LTB4R: variants seen among roughly 807,000 people sequenced by gnomAD.
LTB4R encodes leukotriene B4 receptor 1.
For synonymous variants in LTB4R, 250 were observed against 230.7 expected (o/e 1.08, Z -0.76); for missense variants, 470 against 485.6 (o/e 0.97, Z 0.30).
chr14:24,316,893 C>A lies in LTB4R; in HGVS notation c.*183C>A. 1 of 499,106 alleles carries A rather than the reference C, an allele frequency of 2.0e-6. No homozygotes were observed. The highest frequency in any genetic ancestry group is 3.5e-6 in the Non-Finnish European group (1 of 282,180). The allele number at this position is 499,106 out of a possible 1,614,324, so 30.9% of individuals were successfully genotyped here. ...GGGCCGAGTGAGAGCGTGCTCCAGCCTGGCTCCCACAGGCAGCTTTAACCA... is the reference window on the plus strand; with the variant it reads ...GGGCCGAGTGAGAGCGTGCTCCAGCATGGCTCCCACAGGCAGCTTTAACCA... On this transcript the variant is annotated 3_prime_UTR_variant, in exon 2 of 2. Coordinates refer to ENST00000345363, the MANE Select transcript of LTB4R (RefSeq NM_001143919.3).
rs1388027189 is a variant in LTB4R, at chr14:24,311,661, C to A, written c.-159C>A. The A allele has an allele frequency of 6.2e-7, 1 of 1,612,700 alleles. No individual in the cohort carries two copies. Among genetic ancestry groups the A allele is most frequent in the Non-Finnish European group, 8.5e-7 (1 of 1,179,254 alleles). The stretch of plus-strand genomic sequence containing the variant: ...CATGGAGCTCCGAACTACCCCTCAG[C>A]TGAAAGTGGTGGGGCAGGGCCGCGG... On this transcript the variant is annotated 5_prime_UTR_variant, in exon 1 of 2. In the 5' UTR this introduces an upstream ATG that the reference lacks. Transcript: ENST00000345363.
intron 1 of LTB4R, among the ~76,000 whole-genome samples, chr14:24,312,288 G>C (rs1181467217): frequency 6.6e-6 from 1 of 152,218 alleles, no homozygotes; most frequent in East Asian, 1.9e-4. Context: ...CATTCTCTGA[G>C]GCTTATAAAA....
At chr14:24,315,591 C>A in intron 1 of LTB4R, 46 bp from the exon 2 acceptor site, 1 of 1,326,436 alleles carries the variant, frequency 7.5e-7, no homozygotes, top group Non-Finnish European at 1.1e-6. Context: ...CGTCAGGAAA[C>A]CCTTGGTCCT....
At chr14:24,315,192 C>T (rs1222468534) in intron 1 of LTB4R, among the ~76,000 whole-genome samples, 1 of 152,116 alleles carries the variant, frequency 6.6e-6, no homozygotes, top group Non-Finnish European at 1.5e-5. Context: ...CCTGGTTGAC[C>T]CTGGGCATCT....
intron 1 of LTB4R, among the ~76,000 whole-genome samples, chr14:24,315,172 C>G (rs1248820823): frequency 1.3e-5 from 2 of 152,324 alleles, no homozygotes; most frequent in Admixed American, 1.3e-4. Context: ...CTCCTCCCCT[C>G]CCTGTTATTC....
chr14:24,316,084 T>G lies in LTB4R; in HGVS notation c.433T>G (p.Ser145Ala). ...RRVLAGIWVLSFLLATPVLAY... is the reference protein window; with the variant it reads ...RRVLAGIWVLAFLLATPVLAY... ...GGTGCTGGCAGGCATCTGGGTGTTGTCCTTTCTGCTGGCCACACCCGTCCT... is the reference window on the plus strand; with the variant it reads ...GGTGCTGGCAGGCATCTGGGTGTTGGCCTTTCTGCTGGCCACACCCGTCCT... Residue 145 changes from serine to alanine, a missense_variant, in exon 2 of 2, where the codon TCC (serine) becomes GCC (alanine). Coordinates refer to ENST00000345363, the MANE Select transcript of LTB4R (RefSeq NM_001143919.3). 1.2e-6 allele frequency: 2 copies of G among 1,613,168 alleles called. No individual in the cohort carries two copies. The highest frequency in any genetic ancestry group is 1.7e-6 in the Non-Finnish European group (2 of 1,180,020).
chr14:24,312,644 C>T (rs1291016908), intron 1 of LTB4R, among the ~76,000 whole-genome samples: 1 of 152,206 alleles, frequency 6.6e-6, no homozygotes, highest in Non-Finnish European at 1.5e-5. Context: ...AGTCTGGGCT[C>T]CTTCTAAGAT....
chr14:24,312,122 C>T (rs961362063), intron 1 of LTB4R: 2 of 187,442 alleles, frequency 1.1e-5, no homozygotes, highest in Non-Finnish European at 2.3e-5. Context: ...TGGGTCAAGC[C>T]AGGCTGGGCA....
In LTB4R at chr14:24,311,717, G is replaced by A; in HGVS notation, c.-103G>A. ...GAGACCCGGGGGGTGGGATGGAGAA[G>A]GACGGTCCGGAATGGGACCTTTGAC... On this transcript the variant is annotated 5_prime_UTR_variant, in exon 1 of 2. Coordinates refer to ENST00000345363, the MANE Select transcript of LTB4R (RefSeq NM_001143919.3). 3.1e-6 allele frequency: 5 copies of A among 1,598,840 alleles called. No individual in the cohort carries two copies. The highest frequency in any genetic ancestry group is 1.1e-5 in the South Asian group (1 of 89,664).
At position 24,315,684 on chromosome 14, in the gene LTB4R, A is replaced by C. The variant is rs946039978; in HGVS notation, c.33A>C (p.Ser11=). The C allele has an allele frequency of 6.2e-7, 1 of 1,613,952 alleles. No homozygotes were observed. Among genetic ancestry groups the C allele is most frequent in the Admixed American group, 1.7e-5 (1 of 60,018 alleles). The change falls in exon 2 of 2, where the codon TCA becomes TCC. Residue 11 remains serine, a synonymous_variant. Transcript: ENST00000345363. The part of the protein sequence containing the change: MNTTSSAAPP[S]LGVEFISLLA... ...CTACATCTTCTGCAGCACCCCCCTC[A>C]CTAGGTGTAGAGTTCATCTCTCTGC... is the stretch of plus-strand genomic sequence containing the variant.
Position 24,316,622 on chromosome 14 carries a change from CCGCTAGGAGCGG to C in LTB4R, c.973_984del (p.Ala325_Gly328del). 1 of 1,506,266 alleles carries C rather than the reference CCGCTAGGAGCGG, an allele frequency of 6.6e-7. No individual in the cohort carries two copies. The highest frequency in any genetic ancestry group is 8.8e-7 in the Non-Finnish European group (1 of 1,130,230). The allele number at this position is 1,506,266 out of a possible 1,614,324, so 93.3% of individuals were successfully genotyped here. ...CGCCGCGGGGGCAGCCTGGGCCAGA[CCGCTAGGAGCGG>C]CCCCGCCGCTCTGGAGCCCGGCCCT... On this transcript the variant is annotated inframe_deletion, in exon 2 of 2. Transcript: ENST00000345363.
rs767700281 is a variant in LTB4R, at chr14:24,316,249, A to T, written c.598A>T (p.Ser200Cys). ...GCTGCCCTTCCTGGCTGTGGTGGCC[A>T]GCTACTCGGACATAGGGCGTCGGCT... is the stretch of plus-strand genomic sequence containing the variant. ...FLLPFLAVVASYSDIGRRLQA... is the reference protein window; with the variant it reads ...FLLPFLAVVACYSDIGRRLQA... Residue 200 changes from serine (S) to cysteine (C), a missense_variant, in exon 2 of 2, where the codon AGC (serine) becomes TGC (cysteine). Transcript: ENST00000345363. The T allele has an allele frequency of 6.2e-7, 1 of 1,613,156 alleles. No homozygotes were observed. The highest frequency in any genetic ancestry group is 8.5e-7 in the Non-Finnish European group (1 of 1,179,976).
chr14:24,316,574 C>T lies in LTB4R; in HGVS notation c.923C>T (p.Thr308Met). The T allele has an allele frequency of 2.1e-6, 3 of 1,437,470 alleles. No homozygotes were observed. The highest frequency in any genetic ancestry group is 1.8e-6 in the Non-Finnish European group (2 of 1,102,848). 89.0% of individuals were successfully genotyped at this position (1,437,470 alleles called of 1,614,324 possible). The change falls in exon 2 of 2, where the codon ACG (threonine) becomes ATG (methionine). Residue 308 changes from threonine to methionine, a missense_variant. By Grantham distance (81) the Thr-to-Met change is moderately conservative. Transcript: ENST00000345363. ...TTCGTCGCCAAGCTGCTGGAGGGCACGGGCTCCGAGGCGTCCAGCACGCGC... is the reference window on the plus strand; with the variant it reads ...TTCGTCGCCAAGCTGCTGGAGGGCATGGGCTCCGAGGCGTCCAGCACGCGC... ...VGFVAKLLEG[T>M]GSEASSTRRG...
intron 1 of LTB4R, among the ~76,000 whole-genome samples, chr14:24,312,905 AAACT>A (rs1265769044): frequency 6.6e-6 from 1 of 152,116 alleles, no homozygotes; most frequent in Non-Finnish European, 1.5e-5. Flanking sequence ...GTTTCCCAAC[AAACT>A]GAGATGGTTG....
In LTB4R at chr14:24,311,789, C is replaced by A. The variant is rs370742033; in HGVS notation, c.-31C>A. ...CCCTTCCCTGTCCCTTTCCACCCCC[C>A]ACCCACCCTCCAGAGGTCAGTGTTC... On this transcript the variant is annotated 5_prime_UTR_variant, in exon 1 of 2. Coordinates refer to ENST00000345363, the MANE Select transcript of LTB4R (RefSeq NM_001143919.3). The A allele has an allele frequency of 3.4e-6, 5 of 1,461,044 alleles. No homozygotes were observed. Among genetic ancestry groups the A allele is most frequent in the East Asian group, 2.3e-5 (1 of 43,092 alleles). 90.5% of individuals were successfully genotyped at this position (1,461,044 alleles called of 1,614,324 possible).
At chr14:24,314,936 G>A (rs1024388933) in intron 1 of LTB4R, 1 of 152,476 alleles carries the variant, frequency 6.6e-6, no homozygotes, top group African/African-American at 2.4e-5. Context: ...TTGGCAGTGG[G>A]ACAGATCCAG....
Position 24,316,965 on chromosome 14 carries a change from T to C in LTB4R, c.*255T>C, listed in dbSNP as rs977138853. The stretch of plus-strand genomic sequence containing the variant: ...TGGTCAACCTTGTGAGTGGGGTACA[T>C]GTGCTGTGGGTATCGGGGTGCTCGT... On this transcript the variant is annotated 3_prime_UTR_variant, in exon 2 of 2. Coordinates refer to ENST00000345363, the MANE Select transcript of LTB4R (RefSeq NM_001143919.3). 28 of 394,682 alleles carry C rather than the reference T, an allele frequency of 7.1e-5. 1 individual carries two copies. Among genetic ancestry groups the C allele is most frequent in the Admixed American group, 4.2e-4 (9 of 21,404 alleles). 24.4% of individuals were successfully genotyped at this position (394,682 alleles called of 1,614,324 possible).
intron 1 of LTB4R, among the ~76,000 whole-genome samples, chr14:24,315,312 CTGTT>C (rs767419120): frequency 2.6e-4 from 39 of 152,096 alleles, no homozygotes; most frequent in Non-Finnish European, 5.1e-4. Flanking sequence ...GGTAGGAACT[CTGTT>C]TGGTTCTGGG....
chr14:24,317,283 G>C lies in LTB4R; in HGVS notation c.*573G>C, dbSNP rs954032670. ...CTTGAAGCCTGTGATAAGTCTCCTT[G>C]TTAGAATGACTCCAACTTCCTGCCA... On this transcript the variant is annotated 3_prime_UTR_variant, in exon 2 of 2. Coordinates refer to ENST00000345363, the MANE Select transcript of LTB4R (RefSeq NM_001143919.3). 1 of 167,154 alleles carries C rather than the reference G, an allele frequency of 6.0e-6. No individual in the cohort carries two copies. The highest frequency in any genetic ancestry group is 1.5e-5 in the Non-Finnish European group (1 of 68,170). 10.4% of individuals were successfully genotyped at this position (167,154 alleles called of 1,614,324 possible).
Sources: allele counts gnomAD v4.1 joint callset (sites outside exome capture counted in the v4.1 genomes callset), GRCh38; gene constraint gnomAD v4.1.1; transcripts MANE v1.5; gene names NCBI Gene and HGNC (gene_info 2026-07-23, HGNC 2026-07-21).